ZIM2: variants seen among roughly 807,000 people sequenced by gnomAD.
The protein encoded by ZIM2 is zinc finger imprinted 2.
A neutral mutation model predicts 38.6 loss-of-function variants in ZIM2; 14 were observed. The observed-to-expected ratio is 0.36, with a 90% CI of 0.24 to 0.57. ZIM2 has a LOEUF of 0.57. ZIM2 is among the 20% of genes least tolerant of loss of function. The pLI is 0.81. For synonymous variants in ZIM2, 247 were observed against 245.8 expected (o/e 1.00, Z -0.04); for missense variants, 680 against 695.1 (o/e 0.98, Z 0.24).
Position 56,814,322 on chromosome 19 carries a change from C to A in ZIM2, c.490+3424G>T, listed in dbSNP as rs558829653. 6.2e-7 allele frequency: 1 copy of A among 1,614,166 alleles called. No homozygotes were observed. The highest frequency in any genetic ancestry group is 1.3e-5 in the African/African-American group (1 of 75,052). ...TGTGGAACATGGACATTGGCTTCAA[C>A]TTCCTGGGCTGCTGCTGCTGCAGCT... is the stretch of plus-strand genomic sequence containing the variant. On this transcript the variant is annotated intron_variant, in intron 9 of 12. Transcript: ENST00000629319. This position sits in a 1 kb window ranked among gnomAD's most constrained non-coding sequence, Gnocchi z 5.8.
chr19:56,778,153 T>C (rs1013535802), intron 12 of ZIM2, among the ~76,000 whole-genome samples: 3 of 152,218 alleles, frequency 2.0e-5, no homozygotes, highest in Non-Finnish European at 4.4e-5. Context: ...TTAAAACTAC[T>C]GCCCCCATTA....
intron 9 of ZIM2, among the ~76,000 whole-genome samples, chr19:56,803,111 C>G (rs1325440470): frequency 6.6e-6 from 1 of 152,204 alleles, no homozygotes; most frequent in Non-Finnish European, 1.5e-5. Context: ...TCTGGACTCC[C>G]CACCATACCC....
chr19:56,834,649 G>A (rs2061901340), intron 2 of ZIM2, among the ~76,000 whole-genome samples: 1 of 152,134 alleles, frequency 6.6e-6, no homozygotes, highest in African/African-American at 2.4e-5. Flanking sequence ...GAGCCCTCGG[G>A]CAAAGGAGGT....
chr19:56,823,741 C>A (rs2060737028), intron 4 of ZIM2, 62 bp from the exon 5 acceptor site: 2 of 1,582,232 alleles, frequency 1.3e-6, no homozygotes, highest in African/African-American at 1.3e-5. Context: ...TAGTTCCCCC[C>A]AATCCCTGAG....
rs1568558129 is a variant in ZIM2 at position 56,774,888 on chromosome 19, C to T, written c.1477G>A (p.Gly493Arg). The T allele has an allele frequency of 6.2e-7, 1 of 1,614,172 alleles. No homozygotes were observed. The highest frequency in any genetic ancestry group is 8.5e-7 in the Non-Finnish European group (1 of 1,180,040). ...TCACAACACTGGCAGGCTCTCTCTC[C>T]AACGTAGTCATGTTTCCGCTGATAA... ...IRYQRKHDYV[G>R]ERACQCCDCG... Residue 493 changes from glycine to arginine, a missense_variant, in exon 13 of 13, where the codon GGA (glycine) becomes AGA (arginine). Transcript: ENST00000629319.
At chr19:56,818,429 A>G (rs2060183964) in intron 8 of ZIM2, among the ~76,000 whole-genome samples, 171 bp downstream of exon 8, 1 of 152,206 alleles carries the variant, frequency 6.6e-6, no homozygotes, top group Admixed American at 6.5e-5. Context: ...CATTTCTTAA[A>G]AACACAAATT....
At chr19:56,833,151 C>CG in intron 2 of ZIM2, 1 of 517,228 alleles carries the variant, frequency 1.9e-6, no homozygotes, top group Non-Finnish European at 3.9e-6. Flanking sequence ...CCTGTGACTC[C>CG]GGTTTGGCCT....
In ZIM2 at chr19:56,775,536, A is replaced by G; in HGVS notation, c.836-7T>C. The G allele has an allele frequency of 1.3e-6, 2 of 1,589,094 alleles. No individual in the cohort carries two copies. Among genetic ancestry groups the G allele is most frequent in the Non-Finnish European group, 1.7e-6 (2 of 1,168,666 alleles). On this transcript the variant is annotated splice_region_variant and splice_polypyrimidine_tract_variant and intron_variant, in intron 12 of 12. Coordinates refer to ENST00000629319, the MANE Select transcript of ZIM2 (RefSeq NM_001387356.1). ...GGATCATCATGAGACTCTCCTGCAGAGACAATGCCAGAAGTTACCTACCGC... is the reference window on the plus strand; with the variant it reads ...GGATCATCATGAGACTCTCCTGCAGGGACAATGCCAGAAGTTACCTACCGC...
chr19:56,836,969 CAAAAAAAAAAA>C (rs573566620), intron 1 of ZIM2, among the ~76,000 whole-genome samples: 6 of 116,986 alleles, frequency 5.1e-5, no homozygotes, highest in South Asian at 2.7e-4. Flanking sequence ...GACTCTGTCT[CAAAAAAAAAAA>C]AAAAAAAAAA....
intron 5 of ZIM2, among the ~76,000 whole-genome samples, chr19:56,823,211 C>CA (rs923288805): frequency 4.0e-5 from 6 of 151,806 alleles, no homozygotes; most frequent in South Asian, 2.1e-4. Context: ...TATTCTACTA[C>CA]AAAAAAAACA....
intron 9 of ZIM2, chr19:56,816,753 G>A (rs144013808): frequency 2.9e-5 from 46 of 1,613,910 alleles, no homozygotes; most frequent in Admixed American, 2.8e-4. Context: ...CCCTGCACTC[G>A]TAGAATTTGT....
intron 9 of ZIM2, among the ~76,000 whole-genome samples, chr19:56,807,538 G>A (rs537465309): frequency 7.9e-5 from 12 of 152,216 alleles, no homozygotes; most frequent in Non-Finnish European, 1.5e-4. Flanking sequence ...GCCAGGCACA[G>A]TGGCTCACGC....
At chr19:56,809,915 A>G (rs531312792) in intron 9 of ZIM2, among the ~76,000 whole-genome samples, 1 of 152,324 alleles carries the variant, frequency 6.6e-6, no homozygotes, top group African/African-American at 2.4e-5. Context: ...GTATTTAAAA[A>G]TCCCTTAGAA....
intron 5 of ZIM2, 98 bp downstream of exon 5, chr19:56,823,492 G>T: frequency 7.2e-7 from 1 of 1,395,722 alleles, no homozygotes; most frequent in Non-Finnish European, 1.0e-6. Flanking sequence ...ACTCGGGGAT[G>T]GCGGGTCATC....
chr19:56,812,140 T>C, intron 9 of ZIM2: 1 of 967,288 alleles, frequency 1.0e-6, no homozygotes. Flanking sequence ...TTAAATTTTA[T>C]ATTTTTTTTC....
chr19:56,777,857 C>A (rs2145832915), intron 12 of ZIM2, among the ~76,000 whole-genome samples: 1 of 152,296 alleles, frequency 6.6e-6, no homozygotes, highest in East Asian at 1.9e-4. Context: ...CCTAAGCGGG[C>A]TGGCCCTTGA....
chr19:56,831,267 A>G (rs1176563699), intron 2 of ZIM2, among the ~76,000 whole-genome samples: 1 of 152,266 alleles, frequency 6.6e-6, no homozygotes, highest in African/African-American at 2.4e-5. Context: ...TCAACTGTGT[A>G]AAAGTCTATA....
At chr19:56,825,493 TA>T (rs2060931940) in intron 3 of ZIM2, among the ~76,000 whole-genome samples, 1 of 152,230 alleles carries the variant, frequency 6.6e-6, no homozygotes, top group Non-Finnish European at 1.5e-5. Context: ...TCCTTCTCTT[TA>T]TTTTATTATC....
intron 9 of ZIM2, chr19:56,812,715 A>T: frequency 1.0e-6 from 1 of 984,898 alleles, no homozygotes; most frequent in Non-Finnish European, 1.2e-6. Flanking sequence ...ACTGTGATCT[A>T]GTGATGGTTG....
Sources: allele counts gnomAD v4.1 joint callset (sites outside exome capture counted in the v4.1 genomes callset), GRCh38; gene constraint gnomAD v4.1.1; non-coding constraint Gnocchi (gnomAD v3.1); transcripts MANE v1.5; gene names NCBI Gene and HGNC (gene_info 2026-07-23, HGNC 2026-07-21).